The following EML4 variants were observed in gnomAD, a reference collection of about 807,000 sequenced individuals.
EML4 encodes the protein echinoderm microtubule-associated protein-like 4.
In EML4, 72 loss-of-function variants were observed where a neutral mutation model predicts 129.0. The observed-to-expected ratio is 0.56, with a 90% CI of 0.46 to 0.68. The LOEUF is 0.68. Among genes scored for constraint, EML4 ranks in the 30% least tolerant of loss-of-function variants. The pLI, the probability that EML4 is intolerant of heterozygous loss-of-function variation, is 0.00. For synonymous variants in EML4, 532 were observed against 405.0 expected (o/e 1.31, Z -3.77); for missense variants, 1,363 against 1,190.6 (o/e 1.14, Z -2.13).
At chr2:42,236,491 T>C (rs1280450933) in intron 1 of EML4, among the ~76,000 whole-genome samples, 2 of 152,252 alleles carry the variant, frequency 1.3e-5, no homozygotes, top group African/African-American at 4.8e-5. Flanking sequence ...TTTTATTAAA[T>C]GAAGTTTTAT....
rs1667389942 is a variant in EML4, at chr2:42,287,730, C to G, written c.1123-497C>G. On this transcript the variant is annotated intron_variant, in intron 10 of 22. Transcript: ENST00000318522. ...TATAATTTTACTTAGGTTGTTTATT[C>G]AAGTTAATGTAAGTCAGGTATCTCA... 2.0e-5 allele frequency among the ~76,000 whole-genome samples: 3 copies of G among 152,084 alleles called. No homozygotes were observed. The South Asian group carries it at 6.2e-4, about 32-fold the overall frequency.
chr2:42,244,438 ACAAATAC>A (rs1055313914), intron 1 of EML4, among the ~76,000 whole-genome samples: 6 of 152,144 alleles, frequency 3.9e-5, no homozygotes, highest in Non-Finnish European at 8.8e-5. Flanking sequence ...TATTGACCCA[ACAAATAC>A]AGTAGTATAG....
intron 6 of EML4, among the ~76,000 whole-genome samples, chr2:42,276,357 G>A (rs974067911): frequency 5.9e-5 from 9 of 151,982 alleles, no homozygotes; most frequent in Admixed American, 1.3e-4. Context: ...CTGCTCCCTC[G>A]CTGAGATGGG....
chr2:42,321,166 A>G (rs1041012364), intron 19 of EML4, among the ~76,000 whole-genome samples: 1 of 83,730 alleles, frequency 1.2e-5, no homozygotes, highest in Non-Finnish European at 2.6e-5. Context: ...GGCGGATCAC[A>G]AGGTCAAGAG....
In EML4 at chr2:42,303,238, T is replaced by A; in HGVS notation, c.1767+9T>A. On this transcript the variant is annotated intron_variant, in intron 15 of 22. Coordinates refer to ENST00000318522, the MANE Select transcript of EML4 (RefSeq NM_019063.5). ...TCCAAATAGAAGTACAGGTAAGCTG[T>A]GTGATATTAACCGTTAACTGAATAT... 1 of 1,614,186 alleles carries A rather than the reference T, an allele frequency of 6.2e-7. No homozygotes were observed. The highest frequency in any genetic ancestry group is 8.5e-7 in the Non-Finnish European group (1 of 1,180,030).
intron 1 of EML4, among the ~76,000 whole-genome samples, chr2:42,206,027 C>T (rs1047352835): frequency 6.6e-6 from 1 of 152,110 alleles, no homozygotes; most frequent in African/African-American, 2.4e-5. Context: ...CTAGCACTTA[C>T]TGCATTTATC....
At chr2:42,305,148 A>G (rs965878957) in intron 17 of EML4, among the ~76,000 whole-genome samples, 1 of 152,128 alleles carries the variant, frequency 6.6e-6, no homozygotes, top group Admixed American at 6.6e-5. Flanking sequence ...GCAGTAGCCC[A>G]CGCCAGTAAT....
intron 1 of EML4, among the ~76,000 whole-genome samples, chr2:42,219,293 C>A (rs191713037): frequency 2.9e-4 from 44 of 152,162 alleles, no homozygotes; most frequent in Admixed American, 1.8e-3. Context: ...TACAGTATTC[C>A]AGGGATGCCA....
intron 1 of EML4, among the ~76,000 whole-genome samples, chr2:42,193,929 C>G (rs897117533): frequency 1.3e-5 from 2 of 152,220 alleles, no homozygotes; most frequent in Non-Finnish European, 2.9e-5. Context: ...AAGTGATCCT[C>G]TCCCTTTGGC....
intron 13 of EML4, among the ~76,000 whole-genome samples, chr2:42,296,159 A>T (rs150083170): frequency 6.6e-6 from 1 of 152,314 alleles, no homozygotes; most frequent in African/African-American, 2.4e-5. Flanking sequence ...AGAATAATCA[A>T]ACTTTGAAAA....
In EML4 at chr2:42,295,155, T is replaced by G. The variant is rs780618169; in HGVS notation, c.1249T>G (p.Phe417Val). Residue 417 changes from phenylalanine to valine, a missense_variant, in exon 12 of 23, where the codon TTT becomes GTT. Coordinates refer to ENST00000318522, the MANE Select transcript of EML4 (RefSeq NM_019063.5). ...AAATGAAGTTGTTTTGGCTGTGGAG[T>G]TTCACCCAACAGATGCAAATACCAT... is the stretch of plus-strand genomic sequence containing the variant. ...TTNEVVLAVEFHPTDANTIIT... is the reference protein window; with the variant it reads ...TTNEVVLAVEVHPTDANTIIT... The G allele has an allele frequency of 1.2e-6, 2 of 1,612,078 alleles. No homozygotes were observed.
At chr2:42,175,156 A>G (rs1303465197) in intron 1 of EML4, among the ~76,000 whole-genome samples, 1 of 150,344 alleles carries the variant, frequency 6.7e-6, no homozygotes, top group Admixed American at 6.6e-5. Flanking sequence ...TCTATTGCCC[A>G]GGCTGGAGTG....
chr2:42,300,752 GTT>G (rs1198513122), intron 13 of EML4, among the ~76,000 whole-genome samples: 1 of 152,178 alleles, frequency 6.6e-6, no homozygotes, highest in African/African-American at 2.4e-5. Flanking sequence ...AACCAAAGAT[GTT>G]TTTGCAAAGT....
At chr2:42,180,576 C>G (rs1293060613) in intron 1 of EML4, among the ~76,000 whole-genome samples, 1 of 152,108 alleles carries the variant, frequency 6.6e-6, no homozygotes, top group Non-Finnish European at 1.5e-5. Context: ...TTACCTAGCC[C>G]AAGAGGTGAT....
chr2:42,259,839 C>T (rs1458482796), intron 3 of EML4, among the ~76,000 whole-genome samples: 3 of 148,630 alleles, frequency 2.0e-5, no homozygotes, highest in African/African-American at 7.5e-5. Flanking sequence ...ACACCATTCT[C>T]CTGCCTCAAC....
At chr2:42,216,001 A>AT (rs1392805346) in intron 1 of EML4, among the ~76,000 whole-genome samples, 1 of 151,712 alleles carries the variant, frequency 6.6e-6, no homozygotes, top group African/African-American at 2.4e-5. Flanking sequence ...GCTCACTGCA[A>AT]CCTCCACCTT....
chr2:42,289,437 C>G (rs1035073983), intron 11 of EML4: 2 of 151,908 alleles, frequency 1.3e-5, no homozygotes, highest in East Asian at 3.9e-4. Flanking sequence ...TGCTGAGTCC[C>G]GTATCAGTTA....
chr2:42,258,462 G>A (rs1473145376), intron 3 of EML4, among the ~76,000 whole-genome samples: 2 of 151,894 alleles, frequency 1.3e-5, no homozygotes, highest in African/African-American at 2.4e-5. Flanking sequence ...GTGCAATGGC[G>A]CAATCTCGGC....
chr2:42,245,399 A>G (rs1176028726), intron 1 of EML4, 106 bp from the exon 2 acceptor site: 6 of 1,136,014 alleles, frequency 5.3e-6, no homozygotes, highest in Middle Eastern at 2.9e-4. Flanking sequence ...CCTAGCCAGA[A>G]TTTTTCTCAT....
Sources: gnomAD v4.1 joint callset for allele counts (sites outside exome capture counted in the v4.1 genomes callset) on GRCh38, gnomAD v4.1.1 for gene constraint, MANE v1.5 for transcripts, NCBI Gene and HGNC (gene_info 2026-07-23, HGNC 2026-07-21) for gene names.